The following CDC42BPA variants were observed in gnomAD, a reference collection of about 807,000 sequenced individuals.
CDC42BPA encodes the protein CDC42 binding protein kinase alpha.
CDC42BPA carries 80 observed loss-of-function variants against 223.5 expected under a neutral mutation model. The ratio of observed to expected loss-of-function variants is 0.36; its 90% CI spans 0.30 to 0.43. The LOEUF (loss-of-function observed/expected upper bound fraction) is 0.43, where lower values mean the gene tolerates loss of function less well. Ranked by LOEUF, CDC42BPA falls within the 20% of genes least tolerant of loss-of-function variation. The pLI is 1.00. For synonymous variants in CDC42BPA, 694 were observed against 718.6 expected (o/e 0.97, Z 0.55); for missense variants, 1,743 against 2,099.9 (o/e 0.83, Z 3.32).
At chr1:227,158,228 G>A (rs772398583) in intron 6 of CDC42BPA, among the ~76,000 whole-genome samples, 3 of 152,122 alleles carry the variant, frequency 2.0e-5, no homozygotes, top group African/African-American at 4.8e-5. Context: ...CCAAAGTGCC[G>A]GGATTACAGG....
Position 227,026,146 on chromosome 1 carries a change from T to C in CDC42BPA, c.4439A>G (p.Asn1480Ser). 1 of 1,587,406 alleles carries C rather than the reference T, an allele frequency of 6.3e-7. No homozygotes were observed. Reference protein sequence around the residue: ...WPANPSSCCYNAPYLSVYSEN... With the variant: ...WPANPSSCCYSAPYLSVYSEN... ...ACTGTACACCGAGAGATATGGTGCA[T>C]TGTAACCTGGGAGAAGGGAAGGGGG... Residue 1480 changes from asparagine to serine, a missense_variant, in exon 31 of 37, where the codon AAT becomes AGT. Asn to Ser is a conservative substitution (Grantham distance 46, BLOSUM62 1). Transcript: ENST00000366766.
chr1:227,200,725 A>T (rs551047953), intron 3 of CDC42BPA, among the ~76,000 whole-genome samples: 1 of 152,138 alleles, frequency 6.6e-6, no homozygotes, highest in Non-Finnish European at 1.5e-5. Flanking sequence ...ATACACTTAG[A>T]AGTAGAAATG....
intron 27 of CDC42BPA, among the ~76,000 whole-genome samples, chr1:227,033,123 T>TA (rs1669612541): frequency 2.0e-5 from 3 of 152,254 alleles, no homozygotes; most frequent in Non-Finnish European, 4.4e-5. Flanking sequence ...GCATATTTTA[T>TA]AAGCCATATA....
intron 1 of CDC42BPA, among the ~76,000 whole-genome samples, chr1:227,301,993 TC>T: frequency 6.6e-6 from 1 of 152,316 alleles, no homozygotes; most frequent in Admixed American, 6.5e-5. Context: ...TTTTCTAATC[TC>T]CTCTCAAGAT....
At chr1:227,309,548 A>AC (rs1326001657) in intron 1 of CDC42BPA, among the ~76,000 whole-genome samples, 1 of 152,238 alleles carries the variant, frequency 6.6e-6, no homozygotes, top group Admixed American at 6.5e-5. Flanking sequence ...AAAATGTGTT[A>AC]CACTGCAAAA....
chr1:227,024,498 T>C (rs1441758241), intron 31 of CDC42BPA, among the ~76,000 whole-genome samples: 2 of 152,158 alleles, frequency 1.3e-5, no homozygotes, highest in South Asian at 2.1e-4. Context: ...AAAAAACAGA[T>C]GCAGCAACAT....
At chr1:227,212,929 G>A (rs1185279133) in intron 3 of CDC42BPA, among the ~76,000 whole-genome samples, 1 of 152,034 alleles carries the variant, frequency 6.6e-6, no homozygotes, top group Non-Finnish European at 1.5e-5. Flanking sequence ...TTTCCATTTA[G>A]TATTCCACTA....
Position 227,073,023 on chromosome 1 carries a change from T to G in CDC42BPA, c.2736-724A>C, listed in dbSNP as rs115279697. On this transcript the variant is annotated intron_variant, in intron 19 of 36. Transcript: ENST00000366766. ...AAAAGTTTATAATCCAACAGAAGTATCATGTATCTGGCCTTTGATTTGATT... is the reference window on the plus strand; with the variant it reads ...AAAAGTTTATAATCCAACAGAAGTAGCATGTATCTGGCCTTTGATTTGATT... Among the ~76,000 whole-genome samples, 698 of 152,194 alleles carry G rather than the reference T, an allele frequency of 4.6e-3. 5 individuals are homozygous for G. The highest frequency in any genetic ancestry group is 0.016 in the African/African-American group (673 of 41,548).
intron 1 of CDC42BPA, among the ~76,000 whole-genome samples, chr1:227,276,413 C>A (rs897564386): frequency 6.6e-6 from 1 of 151,562 alleles, no homozygotes; most frequent in Non-Finnish European, 1.5e-5. Flanking sequence ...AAGTGAGGAG[C>A]GTCTCCGCCT....
rs1409403454 is a variant in CDC42BPA at position 227,247,155 on chromosome 1, G to A, written c.270+6909C>T. ...GCAGAGGTTGCAGTGAGCCAAGATC[G>A]TGTCACTGCACTCTAGCCTGGGCAA... On this transcript the variant is annotated intron_variant, in intron 2 of 36. Coordinates refer to ENST00000366766, the MANE Select transcript of CDC42BPA (RefSeq NM_001394014.1). Among the ~76,000 whole-genome samples the A allele has an allele frequency of 1.4e-4, 22 of 151,898 alleles. 1 individual carries two copies. Among genetic ancestry groups the A allele is most frequent in the Admixed American group, 1.4e-3 (22 of 15,260 alleles).
chr1:227,266,837 T>C (rs943771975), intron 1 of CDC42BPA, among the ~76,000 whole-genome samples: 37 of 152,210 alleles, frequency 2.4e-4, no homozygotes, highest in African/African-American at 8.9e-4. Flanking sequence ...GGAAACAAAA[T>C]AATTTAAGTT....
chr1:227,071,225 A>G (rs1678254028), intron 20 of CDC42BPA, among the ~76,000 whole-genome samples: 1 of 151,854 alleles, frequency 6.6e-6, no homozygotes, highest in South Asian at 2.1e-4. Context: ...ATCATTTTAC[A>G]TGCAGATGCA....
intron 16 of CDC42BPA, among the ~76,000 whole-genome samples, chr1:227,083,281 A>AT (rs1001851082): frequency 1.1e-4 from 16 of 146,876 alleles, no homozygotes; most frequent in South Asian, 6.4e-4. Flanking sequence ...AGTCTAAAAA[A>AT]TTTTTTTTTA....
intron 6 of CDC42BPA, among the ~76,000 whole-genome samples, chr1:227,155,674 A>G (rs1662612729): frequency 6.6e-6 from 1 of 152,270 alleles, no homozygotes; most frequent in African/African-American, 2.4e-5. Context: ...GGTGACAATT[A>G]CACGGGAAAT....
chr1:227,060,281 T>C (rs1675608856), intron 21 of CDC42BPA, among the ~76,000 whole-genome samples: 1 of 152,170 alleles, frequency 6.6e-6, no homozygotes, highest in African/African-American at 2.4e-5. Context: ...TCCACCCACC[T>C]TGGCCTCCCA....
chr1:227,055,552 G>A (rs922701641), intron 21 of CDC42BPA, among the ~76,000 whole-genome samples: 1 of 151,946 alleles, frequency 6.6e-6, no homozygotes, highest in African/African-American at 2.4e-5. Context: ...CAAAGCAACT[G>A]ATTAATACCA....
chr1:227,191,567 A>G (rs1669709867), intron 5 of CDC42BPA, among the ~76,000 whole-genome samples: 1 of 152,178 alleles, frequency 6.6e-6, no homozygotes, highest in African/African-American at 2.4e-5. Context: ...ATTTACTTTC[A>G]CCAATCTAGG....
At chr1:227,179,820 GACT>G (rs1483054244) in intron 5 of CDC42BPA, among the ~76,000 whole-genome samples, 1 of 150,944 alleles carries the variant, frequency 6.6e-6, no homozygotes, top group Non-Finnish European at 1.5e-5. Context: ...ATATATAAAT[GACT>G]ACTATTAATA....
In CDC42BPA at chr1:227,317,251, ATTTT is replaced by A; in HGVS notation, c.-73_-70del. 1 of 1,492,842 alleles carries A rather than the reference ATTTT, an allele frequency of 6.7e-7. No individual in the cohort carries two copies. Among genetic ancestry groups the A allele is most frequent in the East Asian group, 2.3e-5 (1 of 43,678 alleles). 92.5% of individuals were successfully genotyped at this position (1,492,842 alleles called of 1,614,324 possible). ...GACTTTTACTATTATCTGAACCTAAATTTTAAAAGGTATGGTTTTAAAAATAAAC... is the reference window on the plus strand; with the variant it reads ...GACTTTTACTATTATCTGAACCTAAAAAAAGGTATGGTTTTAAAAATAAAC... On this transcript the variant is annotated 5_prime_UTR_variant, in exon 1 of 37. The change abolishes the stop of an existing upstream ORF in the 5' untranslated region. Coordinates refer to ENST00000366766, the MANE Select transcript of CDC42BPA (RefSeq NM_001394014.1).
Sources: allele counts gnomAD v4.1 joint callset (sites outside exome capture counted in the v4.1 genomes callset), GRCh38; gene constraint gnomAD v4.1.1; transcripts MANE v1.5; gene names NCBI Gene and HGNC (gene_info 2026-07-23, HGNC 2026-07-21).